Variants in RPL10A observed in about 807,000 individuals in gnomAD.
RPL10A encodes the protein large ribosomal subunit protein uL1.
In RPL10A, 11 loss-of-function variants were observed where a neutral mutation model predicts 24.6. That is an observed-to-expected ratio of 0.45 (90% CI 0.28 to 0.74). The LOEUF is 0.74. RPL10A is among the 30% of genes least tolerant of loss of function. The pLI is 0.13. For missense variants in RPL10A, 136 were observed against 273.1 expected, an observed-to-expected ratio of 0.50 and a Z score of 3.54; for synonymous variants, 98 against 108.5, an observed-to-expected ratio of 0.90 and a Z score of 0.60.
At position 35,470,603 on chromosome 6, in the gene RPL10A, T is replaced by G; in HGVS notation, c.507T>G (p.Val169=). The G allele has an allele frequency of 6.2e-7, 1 of 1,613,958 alleles. No homozygotes were observed. The highest frequency in any genetic ancestry group is 8.5e-7 in the Non-Finnish European group (1 of 1,179,862). ...AGGTGTTATGTCTGGCTGTAGCTGT[T>G]GGTCACGTGAAGATGACAGACGATG... ...MKKVLCLAVA[V]GHVKMTDDEL... The change falls in exon 6 of 6, where the codon GTT becomes GTG. Residue 169 remains valine, a synonymous_variant. Transcript: ENST00000322203. The surrounding 1 kb of genome is among the most constrained non-coding windows in gnomAD (Gnocchi z 4.6).
At chr6:35,469,873 A>G (rs73415612) in intron 4 of RPL10A, among the ~76,000 whole-genome samples, 8,524 of 152,192 alleles carry the variant, frequency 0.056, 350 homozygotes, top group African/African-American at 0.13. Context: ...TCCAGGGTCC[A>G]CAGCTAAGAA....
Position 35,470,591 on chromosome 6 carries a change from G to C in RPL10A, c.495G>C (p.Leu165=), listed in dbSNP as rs948095077. ...IKFQMKKVLC[L]AVAVGHVKMT... The stretch of plus-strand genomic sequence containing the variant: ...TTCCCTCCTCCCAGGTGTTATGTCT[G>C]GCTGTAGCTGTTGGTCACGTGAAGA... The change falls in exon 6 of 6, where the codon CTG becomes CTC. Residue 165 remains leucine (L), a synonymous_variant. Coordinates refer to ENST00000322203, the MANE Select transcript of RPL10A (RefSeq NM_007104.5). The surrounding 1 kb of genome is among the most constrained non-coding windows in gnomAD (Gnocchi z 4.6). 1 of 1,613,766 alleles carries C rather than the reference G, an allele frequency of 6.2e-7. No homozygotes were observed. The highest frequency in any genetic ancestry group is 1.3e-5 in the African/African-American group (1 of 74,912).
chr6:35,468,539 C>T (rs773453659), intron 1 of RPL10A, 100 bp downstream of exon 1: 1 of 1,608,274 alleles, frequency 6.2e-7, no homozygotes, highest in South Asian at 1.1e-5. Context: ...CCTTGCGCCA[C>T]CTGCGCCGCG....
In RPL10A at chr6:35,468,440, G is replaced by A; in HGVS notation, c.5+1G>A. 1 of 1,614,076 alleles carries A rather than the reference G, an allele frequency of 6.2e-7. No individual in the cohort carries two copies. The highest frequency in any genetic ancestry group is 8.5e-7 in the Non-Finnish European group (1 of 1,179,932). On this transcript the variant is annotated splice_donor_variant, in intron 1 of 5. Transcript: ENST00000322203. LOFTEE classifies it high-confidence loss of function. The stretch of plus-strand genomic sequence containing the variant: ...TTAGCGCGGCGTGAGAAGCCATGAG[G>A]TGAGTTGGTCCTGAAAGCCCTATCC...
At position 35,469,417 on chromosome 6, in the gene RPL10A, T is replaced by C; in HGVS notation, c.198T>C (p.Cys66=). The C allele has an allele frequency of 1.2e-6, 2 of 1,612,346 alleles. No individual in the cohort carries two copies. Among genetic ancestry groups the C allele is most frequent in the Non-Finnish European group, 1.7e-6 (2 of 1,179,752 alleles). The change falls in exon 4 of 6, where the codon TGT becomes TGC. Residue 66 remains cysteine, a synonymous_variant. Coordinates refer to ENST00000322203, the MANE Select transcript of RPL10A (RefSeq NM_007104.5). ...KSTPRPKFSV[C]VLGDQQHCDE... ...CTCCCCGCCCTAAGTTCTCTGTGTG[T>C]GTCCTGGGGGACCAGCAGCACTGTG...
chr6:35,469,016 GGGCACCGTCAGGTT>G lies in RPL10A; in HGVS notation c.159_161+11del. The G allele has an allele frequency of 6.2e-7, 1 of 1,612,422 alleles. No homozygotes were observed. The highest frequency in any genetic ancestry group is 8.5e-7 in the Non-Finnish European group (1 of 1,179,926). On this transcript the variant is annotated splice_donor_variant and splice_donor_region_variant and coding_sequence_variant and intron_variant, in exon 3 of 6. Coordinates refer to ENST00000322203, the MANE Select transcript of RPL10A (RefSeq NM_007104.5). LOFTEE classifies it high-confidence loss of function. ...ATCCCCAGAAGGACAAGCGCTTCTC[GGGCACCGTCAGGTT>G]GGCACCGTTCTGATCCCACCCAGCC...
Position 35,470,434 on chromosome 6 carries a change from A to G in RPL10A, c.483+83A>G. On this transcript the variant is annotated intron_variant, in intron 5 of 5. Coordinates refer to ENST00000322203, the MANE Select transcript of RPL10A (RefSeq NM_007104.5). This position sits in a 1 kb window ranked among gnomAD's most constrained non-coding sequence, Gnocchi z 4.6. ...CCAAGTCTCTAAATATGCCAGTAAGAGCACCCACCAGGATTGAAACTTTTG... is the reference window on the plus strand; with the variant it reads ...CCAAGTCTCTAAATATGCCAGTAAGGGCACCCACCAGGATTGAAACTTTTG... The G allele has an allele frequency of 5.3e-6, 8 of 1,522,862 alleles. No homozygotes were observed. The highest frequency in any genetic ancestry group is 6.2e-6 in the Non-Finnish European group (7 of 1,123,626). 94.3% of individuals were successfully genotyped at this position (1,522,862 alleles called of 1,614,324 possible).
Position 35,470,446 on chromosome 6 carries a change from G to A in RPL10A, c.483+95G>A. 6.6e-7 allele frequency: 1 copy of A among 1,513,898 alleles called. No individual in the cohort carries two copies. Among genetic ancestry groups the A allele is most frequent in the Non-Finnish European group, 9.0e-7 (1 of 1,116,662 alleles). The allele number at this position is 1,513,898 out of a possible 1,614,324, so 93.8% of individuals were successfully genotyped here. On this transcript the variant is annotated intron_variant, in intron 5 of 5. Transcript: ENST00000322203. The surrounding 1 kb of genome is among the most constrained non-coding windows in gnomAD (Gnocchi z 4.6). ...ATATGCCAGTAAGAGCACCCACCAG[G>A]ATTGAAACTTTTGGAGTAACCCTGG...
At position 35,470,633 on chromosome 6, in the gene RPL10A, T is replaced by G; in HGVS notation, c.537T>G (p.Leu179=). ...VGHVKMTDDE[L]VYNIHLAVNF... The stretch of plus-strand genomic sequence containing the variant: ...ACGTGAAGATGACAGACGATGAGCT[T>G]GTGTATAACATTCACCTGGCTGTCA... Residue 179 remains leucine (L), a synonymous_variant, in exon 6 of 6, where the codon CTT becomes CTG. Transcript: ENST00000322203. The surrounding 1 kb of genome is among the most constrained non-coding windows in gnomAD (Gnocchi z 4.6). 1 of 1,613,954 alleles carries G rather than the reference T, an allele frequency of 6.2e-7. No homozygotes were observed. The highest frequency in any genetic ancestry group is 1.1e-5 in the South Asian group (1 of 91,070).
In RPL10A at chr6:35,469,022, C is replaced by T. The variant is rs539650566; in HGVS notation, c.156C>T (p.Thr52=). ...DPQKDKRFSG[T]VRLKSTPRPK... ...AGAAGGACAAGCGCTTCTCGGGCAC[C>T]GTCAGGTTGGCACCGTTCTGATCCC... The change falls in exon 3 of 6, where the codon ACC becomes ACT. Residue 52 remains threonine (T), a synonymous_variant. Transcript: ENST00000322203. 4.3e-6 allele frequency: 7 copies of T among 1,612,150 alleles called. No homozygotes were observed. The African/African-American group carries it at 6.7e-5, about 15-fold the overall frequency.
chr6:35,469,311 C>G, intron 3 of RPL10A, 70 bp from the exon 4 acceptor site: 1 of 1,523,952 alleles, frequency 6.6e-7, no homozygotes, highest in Admixed American at 2.2e-5. Flanking sequence ...TGCTGCGGTC[C>G]CAGACCCTTC....
chr6:35,469,553 G>A (rs1285854008), intron 4 of RPL10A, 24 bp downstream of exon 4: 2 of 1,607,508 alleles, frequency 1.2e-6, no homozygotes, highest in Non-Finnish European at 1.7e-6. Flanking sequence ...CTGTGGTTTT[G>A]CATGTGAGAT....
At chr6:35,469,080 C>T in intron 3 of RPL10A, 53 bp downstream of exon 3, 1 of 1,601,848 alleles carries the variant, frequency 6.2e-7, no homozygotes, top group Non-Finnish European at 8.5e-7. Flanking sequence ...GCTTGCCCCT[C>T]CCCTGCAGGC....
chr6:35,468,457 G>A lies in RPL10A; in HGVS notation c.5+18G>A, dbSNP rs751954583. 5 of 1,613,864 alleles carry A rather than the reference G, an allele frequency of 3.1e-6. No homozygotes were observed. The highest frequency in any genetic ancestry group is 2.7e-5 in the African/African-American group (2 of 74,938). On this transcript the variant is annotated intron_variant, in intron 1 of 5. Transcript: ENST00000322203. ...GCCATGAGGTGAGTTGGTCCTGAAA[G>A]CCCTATCCGCGTTCATCCGCGCCTT...
Position 35,470,172 on chromosome 6 carries a change from C to G in RPL10A, c.311-7C>G, listed in dbSNP as rs376367570. 4 of 1,611,294 alleles carry G rather than the reference C, an allele frequency of 2.5e-6. No individual in the cohort carries two copies. Among genetic ancestry groups the G allele is most frequent in the Admixed American group, 1.7e-5 (1 of 59,892 alleles). On this transcript the variant is annotated splice_polypyrimidine_tract_variant and splice_region_variant and intron_variant, in intron 4 of 5. Transcript: ENST00000322203. This position sits in a 1 kb window ranked among gnomAD's most constrained non-coding sequence, Gnocchi z 4.6. ...AAGCAATGCCAATGGCTTCCTCTCT[C>G]TATCAGCCAAGAAGTATGATGCGTT...
At chr6:35,469,310 C>G (rs1391924280) in intron 3 of RPL10A, 71 bp from the exon 4 acceptor site, 13 of 1,523,954 alleles carry the variant, frequency 8.5e-6, no homozygotes, top group African/African-American at 1.4e-5. Context: ...CTGCTGCGGT[C>G]CCAGACCCTT....
chr6:35,469,307 G>A (rs369089769), intron 3 of RPL10A, 74 bp from the exon 4 acceptor site: 12 of 1,511,906 alleles, frequency 7.9e-6, no homozygotes, highest in African/African-American at 5.6e-5. Flanking sequence ...TGGCTGCTGC[G>A]GTCCCAGACC....
intron 3 of RPL10A, 175 bp from the exon 4 acceptor site, chr6:35,469,206 G>T: frequency 6.8e-7 from 1 of 1,469,984 alleles, no homozygotes; most frequent in East Asian, 2.4e-5. Flanking sequence ...AACATGAGGG[G>T]AGGCGTGGGT....
At position 35,470,499 on chromosome 6, in the gene RPL10A, A is replaced by G. The variant is rs537818936; in HGVS notation, c.484-81A>G. 2.6e-6 allele frequency: 4 copies of G among 1,514,074 alleles called. No individual in the cohort carries two copies. In the South Asian group the frequency reaches 3.7e-5, roughly 14 times the overall value. 93.8% of individuals were successfully genotyped at this position (1,514,074 alleles called of 1,614,324 possible). ...TTGGCCCGGGTCCAAGTACCTGCTC[A>G]CCAGGCCACTGGGGGAGGAAGGACA... On this transcript the variant is annotated intron_variant, in intron 5 of 5. Transcript: ENST00000322203. The surrounding 1 kb of genome is among the most constrained non-coding windows in gnomAD (Gnocchi z 4.6).
Sources: allele counts gnomAD v4.1 joint callset (sites outside exome capture counted in the v4.1 genomes callset), GRCh38; gene constraint gnomAD v4.1.1; non-coding constraint Gnocchi (gnomAD v3.1); transcripts MANE v1.5; gene names NCBI Gene and HGNC (gene_info 2026-07-23, HGNC 2026-07-21).